ITGAL: variants seen among roughly 807,000 people sequenced by gnomAD.
The protein encoded by ITGAL is integrin alpha-L.
ITGAL carries 68 observed loss-of-function variants against 138.4 expected under a neutral mutation model. The observed-to-expected ratio is 0.49, with a 90% CI of 0.40 to 0.60. ITGAL has a LOEUF of 0.60. ITGAL is among the 20% of genes least tolerant of loss of function. The pLI is 0.00. For synonymous variants in ITGAL, 561 were observed against 584.3 expected, an observed-to-expected ratio of 0.96 and a Z score of 0.57; for missense variants, 1,256 against 1,478.6, an observed-to-expected ratio of 0.85 and a Z score of 2.47.
chr16:30,488,680 G>A (rs2050681111), intron 9 of ITGAL, among the ~76,000 whole-genome samples: 1 of 135,312 alleles, frequency 7.4e-6, no homozygotes, highest in African/African-American at 2.8e-5. Context: ...TCCAGCCTCG[G>A]TGACAGAGAG....
intron 11 of ITGAL, among the ~76,000 whole-genome samples, chr16:30,492,459 C>T (rs1485301891): frequency 2.0e-5 from 3 of 150,482 alleles, no homozygotes; most frequent in Admixed American, 6.7e-5. Flanking sequence ...ACCATGTTGA[C>T]CAGGCTGGTC....
intron 11 of ITGAL, among the ~76,000 whole-genome samples, chr16:30,491,398 C>T (rs560594383): frequency 2.0e-5 from 3 of 151,436 alleles, no homozygotes; most frequent in African/African-American, 7.3e-5. Flanking sequence ...AAAACTCTGT[C>T]TCAAAAAAAA....
intron 17 of ITGAL, among the ~76,000 whole-genome samples, chr16:30,503,465 G>A (rs540683341): frequency 2.5e-4 from 37 of 148,388 alleles, no homozygotes; most frequent in African/African-American, 8.8e-4. Flanking sequence ...CTTTTCTAGA[G>A]GGGGACAGAA....
Position 30,474,177 on chromosome 16 carries a change from C to A in ITGAL, c.62-19C>A. On this transcript the variant is annotated intron_variant, in intron 1 of 30. Coordinates refer to ENST00000356798, the MANE Select transcript of ITGAL (RefSeq NM_002209.3). ...GCGGGGGTCCCTCGGTCGCAGCTGA[C>A]GACCCTTGCCTTCCTCAGCGCCGGC... 1.9e-6 allele frequency: 3 copies of A among 1,568,016 alleles called. No individual in the cohort carries two copies. Among genetic ancestry groups the A allele is most frequent in the Non-Finnish European group, 2.6e-6 (3 of 1,153,230 alleles).
intron 25 of ITGAL, among the ~76,000 whole-genome samples, chr16:30,515,735 G>T (rs1326153906): frequency 3.3e-5 from 5 of 152,100 alleles, no homozygotes; most frequent in African/African-American, 1.2e-4. Flanking sequence ...ACTTTGGGAG[G>T]CCCAGGTGGG....
At chr16:30,489,830 G>T (rs1308656790) in intron 11 of ITGAL, among the ~76,000 whole-genome samples, 1 of 152,098 alleles carries the variant, frequency 6.6e-6, no homozygotes, top group Non-Finnish European at 1.5e-5. Flanking sequence ...CAGCTCTTCT[G>T]GAGGCTGAGG....
Position 30,506,722 on chromosome 16 carries a change from G to C in ITGAL, c.2374G>C (p.Ala792Pro), listed in dbSNP as rs1435242407. Residue 792 changes from alanine (A) to proline (P), a missense_variant, in exon 21 of 31, where the codon GCC (alanine) becomes CCC (proline). Physicochemically the swap from Ala to Pro is conservative, Grantham distance 27. Coordinates refer to ENST00000356798, the MANE Select transcript of ITGAL (RefSeq NM_002209.3). ...RVSFSPARSR[A>P]LRLTAFASLS... is the part of the protein sequence containing the mutation. Reference sequence around the variant, plus strand: ...CCTGATCATCCCCCACAGATCCAGAGCCCTGCGTCTAACTGCTTTTGCCAG... The same window carrying C: ...CCTGATCATCCCCCACAGATCCAGACCCCTGCGTCTAACTGCTTTTGCCAG... 1 of 1,613,554 alleles carries C rather than the reference G, an allele frequency of 6.2e-7. No individual in the cohort carries two copies. Among genetic ancestry groups the C allele is most frequent in the Non-Finnish European group, 8.5e-7 (1 of 1,179,772 alleles).
chr16:30,484,685 G>A (rs1243156346), intron 9 of ITGAL, among the ~76,000 whole-genome samples: 2 of 152,022 alleles, frequency 1.3e-5, no homozygotes, highest in East Asian at 3.9e-4. Flanking sequence ...TTGGGAGGCT[G>A]AGGTGGGCAG....
chr16:30,516,878 G>A lies in ITGAL; in HGVS notation c.2863-95G>A. 4 of 862,834 alleles carry A rather than the reference G, an allele frequency of 4.6e-6. No homozygotes were observed. In the South Asian group the frequency reaches 5.3e-5, roughly 11 times the overall value. 53.4% of individuals were successfully genotyped at this position (862,834 alleles called of 1,614,324 possible). A position where few individuals can be genotyped will look rare whatever the true frequency, so the allele number is the denominator to read the frequency against. ...CAAGGGCCCTGGGGACTCAGCCAAT[G>A]AGGACTGGAAGAGGCGTGCAAGGGC... On this transcript the variant is annotated intron_variant, in intron 25 of 30. Transcript: ENST00000356798.
chr16:30,479,069 C>T, intron 4 of ITGAL, 22 bp from the exon 5 acceptor site: 1 of 1,593,196 alleles, frequency 6.3e-7, no homozygotes, highest in African/African-American at 1.3e-5. Flanking sequence ...AGACCCAAAT[C>T]TTTGGCCTTT....
chr16:30,504,199 C>T lies in ITGAL; in HGVS notation c.2170C>T (p.Pro724Ser), dbSNP rs761055092. The T allele has an allele frequency of 6.2e-6, 10 of 1,613,484 alleles. No individual in the cohort carries two copies. The African/African-American group carries it at 1.3e-4, about 22-fold the overall frequency. ...GGTATGTGTTCAAGACCTCATCTCCCCCATCAATGTTTCCCTGAATTTCTC... is the reference window on the plus strand; with the variant it reads ...GGTATGTGTTCAAGACCTCATCTCCTCCATCAATGTTTCCCTGAATTTCTC... ...FPVCVQDLIS[P>S]INVSLNFSLW... is the part of the protein sequence containing the mutation. The change falls in exon 18 of 31, where the codon CCC becomes TCC. Residue 724 changes from proline to serine, a missense_variant. By Grantham distance (74) the Pro-to-Ser change is moderately conservative. Around this residue, in one of 3 missense-constraint regions of ITGAL, gnomAD observed 867 missense variants for 972.5 expected, o/e 0.89. Coordinates refer to ENST00000356798, the MANE Select transcript of ITGAL (RefSeq NM_002209.3).
intron 15 of ITGAL, among the ~76,000 whole-genome samples, chr16:30,497,180 T>C (rs1008529013): frequency 1.3e-5 from 2 of 151,830 alleles, no homozygotes; most frequent in African/African-American, 4.8e-5. Flanking sequence ...CTGTCTCTAC[T>C]AAAAATACAA....
chr16:30,485,124 TCCTTCCTTCCTC>T (rs2050621675), intron 9 of ITGAL, among the ~76,000 whole-genome samples: 1 of 150,804 alleles, frequency 6.6e-6, no homozygotes, highest in Non-Finnish European at 1.5e-5. Flanking sequence ...TTTCTCTCCT[TCCTTCCTTCCTC>T]CCTTCCTTCC....
chr16:30,516,514 G>A (rs1310620140), intron 25 of ITGAL, among the ~76,000 whole-genome samples: 1 of 152,072 alleles, frequency 6.6e-6, no homozygotes. Context: ...ACAGGTGTGA[G>A]CCACCACACT....
chr16:30,507,453 G>A (rs531603614), intron 21 of ITGAL, among the ~76,000 whole-genome samples: 128 of 131,934 alleles, frequency 9.7e-4, no homozygotes, highest in Admixed American at 1.8e-3. Context: ...GCGAAACTCC[G>A]TCTCAAAAAA....
At chr16:30,510,529 G>C (rs1391282439) in intron 22 of ITGAL, 58 bp downstream of exon 22, 2 of 1,000,686 alleles carry the variant, frequency 2.0e-6, no homozygotes, top group African/African-American at 3.2e-5. Context: ...CTGGTGGAGG[G>C]CAGGGAGCTC....
chr16:30,478,273 G>A (rs1280810043), intron 4 of ITGAL, among the ~76,000 whole-genome samples: 1 of 151,152 alleles, frequency 6.6e-6, no homozygotes, highest in Non-Finnish European at 1.5e-5. Context: ...AGCAGAGGTT[G>A]CAGTGAGCCA....
intron 25 of ITGAL, among the ~76,000 whole-genome samples, chr16:30,515,936 C>G (rs1383170979): frequency 6.6e-6 from 1 of 151,428 alleles, no homozygotes; most frequent in Non-Finnish European, 1.5e-5. Context: ...CGTGCCATCG[C>G]ACTCCAGCCT....
At chr16:30,483,682 T>TGTGCCAAA (rs2050591179) in intron 7 of ITGAL, 145 bp from the exon 8 acceptor site, 4 of 811,208 alleles carry the variant, frequency 4.9e-6, no homozygotes, top group Non-Finnish European at 7.7e-6. Context: ...TAGAGGTGAC[T>TGTGCCAAA]GCTGCAGGCT....
Sources: gnomAD v4.1 joint callset for allele counts (sites outside exome capture counted in the v4.1 genomes callset) on GRCh38, gnomAD v4.1.1 for gene constraint, gnomAD v4.1.1 regional missense constraint, MANE v1.5 for transcripts, NCBI Gene and HGNC (gene_info 2026-07-23, HGNC 2026-07-21) for gene names.